AOPEP: variants seen among roughly 807,000 people sequenced by gnomAD.
The protein encoded by AOPEP is aminopeptidase O.
Under a neutral mutation model 98.1 loss-of-function variants are expected in AOPEP, and 77 were observed. That is an observed-to-expected ratio of 0.78 (90% CI 0.65 to 0.95). The LOEUF is 0.95. Among genes scored for constraint, AOPEP ranks in the 40% least tolerant of loss-of-function variants. The pLI is 0.00. For synonymous variants in AOPEP, 346 were observed against 365.3 expected, an observed-to-expected ratio of 0.95 and a Z score of 0.60; for missense variants, 1,024 against 1,024.7, an observed-to-expected ratio of 1.00 and a Z score of 0.01.
the AOPEP span, among the ~76,000 whole-genome samples, chr9:95,117,839 T>C: frequency 6.6e-6 from 1 of 151,386 alleles, no homozygotes; most frequent in Admixed American, 6.6e-5. Flanking sequence ...TTCTCCTCCC[T>C]GTCTCCCAAG....
the AOPEP span, among the ~76,000 whole-genome samples, chr9:95,104,917 A>G: frequency 6.6e-6 from 1 of 151,988 alleles, no homozygotes. Context: ...GACTTTTTAG[A>G]TCCCACCCAT....
the AOPEP span, chr9:95,101,187 A>C: frequency 3.9e-6 from 1 of 253,822 alleles, no homozygotes; most frequent in African/African-American, 2.2e-5. Flanking sequence ...GGGAGACACA[A>C]GGGAAGCCTG....
At chr9:95,011,299 G>A (rs766666937) in intron 13 of AOPEP, among the ~76,000 whole-genome samples, 11 of 147,664 alleles carry the variant, frequency 7.4e-5, no homozygotes, top group Non-Finnish European at 1.6e-4. Context: ...GGGTTCCAGC[G>A]ATTCTTCTGC....
At chr9:94,851,788 C>G (rs530601338) in intron 5 of AOPEP, among the ~76,000 whole-genome samples, 39 of 148,774 alleles carry the variant, frequency 2.6e-4, no homozygotes, top group African/African-American at 9.5e-4. Context: ...TACTGCAACT[C>G]CTAGAATACT....
the AOPEP span, among the ~76,000 whole-genome samples, chr9:95,140,681 T>G: frequency 1.3e-5 from 2 of 152,082 alleles, no homozygotes; most frequent in South Asian, 4.1e-4. Context: ...GCTGTTTGGG[T>G]TGCCAGACAA....
intron 5 of AOPEP, among the ~76,000 whole-genome samples, chr9:94,914,734 G>A (rs1376139996): frequency 6.6e-6 from 1 of 152,164 alleles, no homozygotes; most frequent in Admixed American, 6.5e-5. Flanking sequence ...AGCCACCACA[G>A]TGCAGATCAG....
chr9:94,963,291 A>G (rs1391286460), intron 9 of AOPEP, among the ~76,000 whole-genome samples: 2 of 152,210 alleles, frequency 1.3e-5, no homozygotes, highest in East Asian at 3.8e-4. Context: ...TAGAATCTAC[A>G]TGTACCTGCT....
intron 5 of AOPEP, among the ~76,000 whole-genome samples, chr9:94,897,086 A>T (rs1233895148): frequency 6.6e-6 from 1 of 152,082 alleles, no homozygotes. Flanking sequence ...GGAAAGGTTT[A>T]AAAAAGTCAT....
chr9:95,083,474 G>A (rs970623026), intron 16 of AOPEP, among the ~76,000 whole-genome samples: 8 of 135,278 alleles, frequency 5.9e-5, no homozygotes, highest in Non-Finnish European at 9.3e-5. Flanking sequence ...CAGAGCACAC[G>A]CGGCACACGC....
At chr9:95,084,081 A>C (rs1339161121) in intron 16 of AOPEP, among the ~76,000 whole-genome samples, 2 of 152,056 alleles carry the variant, frequency 1.3e-5, no homozygotes, top group Non-Finnish European at 2.9e-5. Flanking sequence ...GTTTTATATG[A>C]TATTAATAGG....
At chr9:94,758,224 C>T (rs966825681) in intron 1 of AOPEP, among the ~76,000 whole-genome samples, 2 of 152,156 alleles carry the variant, frequency 1.3e-5, no homozygotes, top group African/African-American at 2.4e-5. Flanking sequence ...TGGGTTAGTC[C>T]AAAAGGCACT....
chr9:95,034,116 G>A (rs1473488361), intron 13 of AOPEP, among the ~76,000 whole-genome samples: 14 of 152,328 alleles, frequency 9.2e-5, no homozygotes, highest in Middle Eastern at 3.4e-3. Context: ...GAGTCCTGAC[G>A]TTGATACTGC....
intron 13 of AOPEP, among the ~76,000 whole-genome samples, chr9:95,010,287 A>G (rs574164116): frequency 6.6e-6 from 1 of 152,318 alleles, no homozygotes; most frequent in East Asian, 1.9e-4. Flanking sequence ...TGTTCAGTTT[A>G]TGATCTCTGA....
intron 5 of AOPEP, among the ~76,000 whole-genome samples, chr9:94,863,280 CTTTT>C (rs11299544): frequency 3.3e-5 from 3 of 91,594 alleles, no homozygotes; most frequent in Admixed American, 1.2e-4. Flanking sequence ...CTCTTTTTCT[CTTTT>C]TTTTTTTTTT....
intron 5 of AOPEP, among the ~76,000 whole-genome samples, chr9:94,901,913 AAAAAG>A (rs1002235201): frequency 1.1e-4 from 16 of 152,158 alleles, no homozygotes; most frequent in African/African-American, 2.7e-4. Flanking sequence ...TGTCTCAAAA[AAAAAG>A]AAAAGAAAAG....
chr9:95,031,272 G>A (rs1293530849), intron 13 of AOPEP, among the ~76,000 whole-genome samples: 1 of 152,184 alleles, frequency 6.6e-6, no homozygotes. Context: ...TTAATGAAGT[G>A]AAGTCAGTGC....
intron 2 of AOPEP, among the ~76,000 whole-genome samples, chr9:94,770,468 G>T (rs1309649230): frequency 6.6e-6 from 1 of 152,176 alleles, no homozygotes; most frequent in Non-Finnish European, 1.5e-5. Flanking sequence ...GGGGCTGCAG[G>T]TGTCTCAAGG....
intron 15 of AOPEP, among the ~76,000 whole-genome samples, chr9:95,081,778 T>C (rs1407391351): frequency 6.6e-6 from 1 of 152,152 alleles, no homozygotes; most frequent in African/African-American, 2.4e-5. Context: ...GTCTGGACTT[T>C]TTTGGGAAAG....
At chr9:95,079,260 G>C (rs956890601) in intron 14 of AOPEP, among the ~76,000 whole-genome samples, 1 of 152,250 alleles carries the variant, frequency 6.6e-6, no homozygotes, top group African/African-American at 2.4e-5. Context: ...CCTATTTAGA[G>C]TAGATTAAAG....
Sources: allele counts gnomAD v4.1 joint callset (sites outside exome capture counted in the v4.1 genomes callset), GRCh38; gene constraint gnomAD v4.1.1; transcripts MANE v1.5; gene names NCBI Gene and HGNC (gene_info 2026-07-23, HGNC 2026-07-21).